MPPED1: variants seen among roughly 807,000 people sequenced by gnomAD.
MPPED1 encodes metallophosphoesterase domain-containing protein 1.
Under a neutral mutation model 36.2 loss-of-function variants are expected in MPPED1, and 16 were observed. The observed-to-expected ratio is 0.44, with a 90% CI of 0.30 to 0.67. The LOEUF is 0.67. Ranked by LOEUF, MPPED1 falls within the 30% of genes least tolerant of loss-of-function variation. MPPED1 has a pLI of 0.10. For missense variants in MPPED1, 307 were observed against 453.4 expected (o/e 0.68, Z 2.93); for synonymous variants, 199 against 191.3 (o/e 1.04, Z -0.33).
intron 4 of MPPED1, among the ~76,000 whole-genome samples, chr22:43,491,630 G>T (rs1317031288): frequency 6.7e-6 from 1 of 150,016 alleles, no homozygotes; most frequent in African/African-American, 2.5e-5. Context: ...TGGTGGTGAT[G>T]GTGATGGAGG....
intron 2 of MPPED1, among the ~76,000 whole-genome samples, chr22:43,429,832 G>C (rs78206846): frequency 6.6e-6 from 1 of 152,334 alleles, no homozygotes; most frequent in East Asian, 1.9e-4. Flanking sequence ...TAATCCCTGG[G>C]TGTGGAGGAC....
At chr22:43,429,542 C>T (rs1011429520) in intron 2 of MPPED1, among the ~76,000 whole-genome samples, 5 of 152,262 alleles carry the variant, frequency 3.3e-5, no homozygotes, top group African/African-American at 1.2e-4. Context: ...ACCCAGGTGT[C>T]ACCACCTCAG....
intron 4 of MPPED1, among the ~76,000 whole-genome samples, chr22:43,496,569 AGATGGTGGT>A (rs1337401384): frequency 3.6e-4 from 5 of 13,816 alleles, no homozygotes; most frequent in African/African-American, 1.7e-3. Context: ...GTGGTGGTGG[AGATGGTGGT>A]GGTGGTGGTG....
At position 43,474,385 on chromosome 22, in the gene MPPED1, G is replaced by C. The variant is rs981942279; in HGVS notation, c.407-351G>C. On this transcript the variant is annotated intron_variant, in intron 3 of 6. Transcript: ENST00000443721. The surrounding 1 kb of genome is among the most constrained non-coding windows in gnomAD (Gnocchi z 5.2). Reference sequence around the variant, plus strand: ...GGAGGCCTGGACAGGCAGGACTGTGGGGACAGTGATCAGGCTGCTGCCTCC... The same window carrying C: ...GGAGGCCTGGACAGGCAGGACTGTGCGGACAGTGATCAGGCTGCTGCCTCC... Among the ~76,000 whole-genome samples the C allele has an allele frequency of 2.0e-5, 3 of 152,236 alleles. 1 individual carries two copies. The highest frequency in any genetic ancestry group is 1.3e-4 in the Admixed American group (2 of 15,292).
chr22:43,418,073 C>A (rs1473277722), intron 1 of MPPED1: 5 of 456,154 alleles, frequency 1.1e-5, no homozygotes, highest in African/African-American at 1.0e-4. Context: ...GCTAGCCCCC[C>A]AGTGATTGTT....
chr22:43,463,456 C>T (rs1272508040), intron 3 of MPPED1, among the ~76,000 whole-genome samples: 1 of 151,898 alleles, frequency 6.6e-6, no homozygotes, highest in African/African-American at 2.4e-5. Context: ...CTCAGCCTCC[C>T]AAAGTGGTGG....
At chr22:43,417,828 T>C (rs1929127876) in intron 1 of MPPED1, 1 of 331,044 alleles carries the variant, frequency 3.0e-6, no homozygotes, top group South Asian at 2.4e-5. Context: ...TCAGAGAGGC[T>C]GGGGCTATTC....
chr22:43,481,420 A>C (rs929146256), intron 4 of MPPED1, among the ~76,000 whole-genome samples: 37 of 152,198 alleles, frequency 2.4e-4, no homozygotes, highest in African/African-American at 8.4e-4. Flanking sequence ...TTATCCTACT[A>C]GGGCGTCTGA....
intron 3 of MPPED1, among the ~76,000 whole-genome samples, chr22:43,444,522 A>G (rs188694360): frequency 2.9e-4 from 44 of 151,772 alleles, no homozygotes; most frequent in Non-Finnish European, 5.4e-4. Context: ...GCCAGCCACC[A>G]TGCCTAATTT....
Position 43,477,892 on chromosome 22 carries a change from T to TG in MPPED1, c.632+2937dup, listed in dbSNP as rs550645238. ...GGGGAAACGACACCGCCTGCCTTGT[T>TG]GGGGGGTTGTGAGGTCTGCTTGGGC... On this transcript the variant is annotated intron_variant, in intron 4 of 6. Transcript: ENST00000443721. Among the ~76,000 whole-genome samples, 16 of 152,294 alleles carry TG rather than the reference T, an allele frequency of 1.1e-4. 1 individual carries two copies. In the South Asian group the frequency reaches 3.3e-3, roughly 32 times the overall value.
intron 5 of MPPED1, among the ~76,000 whole-genome samples, chr22:43,498,902 C>T (rs1246206360): frequency 6.6e-6 from 1 of 152,192 alleles, no homozygotes; most frequent in Non-Finnish European, 1.5e-5. Flanking sequence ...CCTTCCTTTC[C>T]TCATTCCCAC....
At chr22:43,494,266 G>T (rs1364342830) in intron 4 of MPPED1, among the ~76,000 whole-genome samples, 1 of 152,146 alleles carries the variant, frequency 6.6e-6, no homozygotes, top group African/African-American at 2.4e-5. Flanking sequence ...TCTTGCATTC[G>T]AGGGCTCAAA....
At chr22:43,470,400 C>T (rs1791904975) in intron 3 of MPPED1, among the ~76,000 whole-genome samples, 1 of 151,886 alleles carries the variant, frequency 6.6e-6, no homozygotes, top group Non-Finnish European at 1.5e-5. Context: ...ACTCATCCAT[C>T]TGTCTATCTG....
chr22:43,457,484 TA>T (rs1930795095), intron 3 of MPPED1, among the ~76,000 whole-genome samples: 1 of 152,164 alleles, frequency 6.6e-6, no homozygotes, highest in Non-Finnish European at 1.5e-5. Flanking sequence ...CTTTTGACTG[TA>T]CTGTTTAAGC....
At chr22:43,423,343 A>G (rs111654985) in intron 1 of MPPED1, among the ~76,000 whole-genome samples, 16 of 152,302 alleles carry the variant, frequency 1.1e-4, no homozygotes, top group African/African-American at 3.6e-4. Context: ...GCAGTTACAG[A>G]CAAGAGGGGT....
intron 4 of MPPED1, among the ~76,000 whole-genome samples, chr22:43,484,488 C>T (rs1931848371): frequency 6.6e-6 from 1 of 152,090 alleles, no homozygotes; most frequent in African/African-American, 2.4e-5. Context: ...TCTGGCAGTC[C>T]CTGCTGAGCT....
chr22:43,475,057 C>T (rs1470300939), intron 4 of MPPED1, 96 bp downstream of exon 4: 1 of 1,115,958 alleles, frequency 9.0e-7, no homozygotes, highest in African/African-American at 1.5e-5. Context: ...GCAGGGAGCT[C>T]CGGATGCGAG....
At chr22:43,475,781 G>T (rs1204979711) in intron 4 of MPPED1, among the ~76,000 whole-genome samples, 1 of 89,308 alleles carries the variant, frequency 1.1e-5, no homozygotes, top group African/African-American at 4.0e-5. Context: ...GGGTGAGGGT[G>T]AGGGTGATGA....
At chr22:43,459,447 T>G (rs1315073436) in intron 3 of MPPED1, among the ~76,000 whole-genome samples, 1 of 152,228 alleles carries the variant, frequency 6.6e-6, no homozygotes, top group Non-Finnish European at 1.5e-5. Context: ...TTATGGCTCC[T>G]CTTACGCACA....
Sources: gnomAD v4.1 joint callset for allele counts (sites outside exome capture counted in the v4.1 genomes callset) on GRCh38, gnomAD v4.1.1 for gene constraint, Gnocchi (gnomAD v3.1) non-coding constraint, MANE v1.5 for transcripts, NCBI Gene and HGNC (gene_info 2026-07-23, HGNC 2026-07-21) for gene names.